Variants in ALCAM observed in about 807,000 individuals in gnomAD.
ALCAM encodes the protein activated leukocyte cell adhesion molecule, also known as CD166 antigen.
A neutral mutation model predicts 70.9 loss-of-function variants in ALCAM; 30 were observed. The observed-to-expected ratio is 0.42, with a 90% confidence interval of 0.32 to 0.57. ALCAM has a LOEUF of 0.57. ALCAM is among the 20% of genes least tolerant of loss of function. ALCAM has a pLI of 0.11. For missense variants in ALCAM, 591 were observed against 695.1 expected, an observed-to-expected ratio of 0.85 and a Z score of 1.68; for synonymous variants, 249 against 242.5, an observed-to-expected ratio of 1.03 and a Z score of -0.25.
chr3:105,524,712 G>A (rs986229984), intron 3 of ALCAM: 15 of 1,319,280 alleles, frequency 1.1e-5, no homozygotes, highest in East Asian at 2.7e-5. Flanking sequence ...GATTTGCAGT[G>A]AGGAACTAAA....
chr3:105,425,473 A>G (rs1576155072), intron 1 of ALCAM, among the ~76,000 whole-genome samples: 1 of 151,804 alleles, frequency 6.6e-6, no homozygotes, highest in South Asian at 2.1e-4. Context: ...TCCCGGAGAA[A>G]CGATTTTCAT....
intron 5 of ALCAM, among the ~76,000 whole-genome samples, chr3:105,533,957 G>A (rs1167617559): frequency 6.6e-6 from 1 of 152,120 alleles, no homozygotes; most frequent in Non-Finnish European, 1.5e-5. Flanking sequence ...TGTAGAATCA[G>A]TGAGAGCCCA....
At chr3:105,385,668 T>C (rs1935634364) in intron 1 of ALCAM, among the ~76,000 whole-genome samples, 1 of 151,646 alleles carries the variant, frequency 6.6e-6, no homozygotes, top group South Asian at 2.1e-4. Flanking sequence ...GATGCAAATA[T>C]GTCTTGAAAT....
intron 1 of ALCAM, among the ~76,000 whole-genome samples, chr3:105,496,160 T>C (rs978469203): frequency 3.9e-5 from 6 of 152,120 alleles, no homozygotes; most frequent in Non-Finnish European, 8.8e-5. Flanking sequence ...CCCCAATACA[T>C]TGTAGTTTCC....
At chr3:105,450,897 A>G (rs1389124182) in intron 1 of ALCAM, among the ~76,000 whole-genome samples, 1 of 152,198 alleles carries the variant, frequency 6.6e-6, no homozygotes. Flanking sequence ...GAAAAAAAAT[A>G]CTATTTAAAC....
intron 1 of ALCAM, among the ~76,000 whole-genome samples, chr3:105,491,275 T>A (rs2152611216): frequency 6.6e-6 from 1 of 152,234 alleles, no homozygotes; most frequent in South Asian, 2.1e-4. Flanking sequence ...CATGAAACCA[T>A]TTTTTCCTCC....
intron 1 of ALCAM, among the ~76,000 whole-genome samples, chr3:105,447,039 G>A (rs1288862203): frequency 6.6e-6 from 1 of 152,120 alleles, no homozygotes; most frequent in Admixed American, 6.5e-5. Flanking sequence ...TGATAAATGT[G>A]CGAAGTTATG....
At chr3:105,500,751 A>T (rs1938897830) in intron 1 of ALCAM, among the ~76,000 whole-genome samples, 1 of 152,218 alleles carries the variant, frequency 6.6e-6, no homozygotes, top group East Asian at 1.9e-4. Context: ...TAGTTACAGG[A>T]TGAGTGACTG....
chr3:105,371,788 T>G (rs948870280), intron 1 of ALCAM, among the ~76,000 whole-genome samples: 4 of 152,168 alleles, frequency 2.6e-5, no homozygotes, highest in Non-Finnish European at 5.9e-5. Flanking sequence ...ATGCAATTTA[T>G]AGCCCAGATA....
chr3:105,519,976 C>A (rs920369247), intron 1 of ALCAM, 91 bp from the exon 2 acceptor site: 2 of 734,794 alleles, frequency 2.7e-6, no homozygotes, highest in Non-Finnish European at 4.6e-6. Context: ...CATCGACATG[C>A]ATCTTGAAGT....
At chr3:105,498,010 G>A (rs536111042) in intron 1 of ALCAM, among the ~76,000 whole-genome samples, 11 of 148,662 alleles carry the variant, frequency 7.4e-5, no homozygotes, top group East Asian at 5.9e-4. Flanking sequence ...AAGCCTGGGC[G>A]ACAGAGCGAG....
At chr3:105,402,920 A>G (rs1310266867) in intron 1 of ALCAM, among the ~76,000 whole-genome samples, 5 of 147,752 alleles carry the variant, frequency 3.4e-5, no homozygotes, top group African/African-American at 1.0e-4. Context: ...TCTTCTCTAT[A>G]GGATTGCAGC....
At chr3:105,395,967 G>A (rs1410571631) in intron 1 of ALCAM, among the ~76,000 whole-genome samples, 1 of 151,904 alleles carries the variant, frequency 6.6e-6, no homozygotes, top group Non-Finnish European at 1.5e-5. Flanking sequence ...TTTCTGATTG[G>A]CTTAGCTTGG....
At chr3:105,529,553 T>C (rs1939788287) in intron 3 of ALCAM, among the ~76,000 whole-genome samples, 1 of 151,926 alleles carries the variant, frequency 6.6e-6, no homozygotes, top group African/African-American at 2.4e-5. Flanking sequence ...AAGGAGAAAA[T>C]AACTCAGGAA....
At chr3:105,566,824 A>G (rs1383712541) in intron 14 of ALCAM, among the ~76,000 whole-genome samples, 6 of 152,130 alleles carry the variant, frequency 3.9e-5, no homozygotes, top group African/African-American at 1.4e-4. Context: ...GTTGTCTTTT[A>G]AAATATTTTA....
intron 1 of ALCAM, among the ~76,000 whole-genome samples, chr3:105,435,397 C>A (rs932083696): frequency 6.6e-6 from 1 of 152,180 alleles, no homozygotes; most frequent in Admixed American, 6.5e-5. Flanking sequence ...AGGACACAAA[C>A]CCTGCTGGAC....
intron 3 of ALCAM, among the ~76,000 whole-genome samples, chr3:105,529,359 T>C (rs1175093906): frequency 6.6e-6 from 1 of 152,226 alleles, no homozygotes; most frequent in Non-Finnish European, 1.5e-5. Flanking sequence ...CTTTGAATCA[T>C]GTTAAGATAT....
chr3:105,508,512 T>A (rs114746346), intron 1 of ALCAM, among the ~76,000 whole-genome samples: 1 of 152,180 alleles, frequency 6.6e-6, no homozygotes, highest in Non-Finnish European at 1.5e-5. Flanking sequence ...AAATGTACAA[T>A]GTATATAAAA....
At chr3:105,437,490 A>T (rs1449182314) in intron 1 of ALCAM, among the ~76,000 whole-genome samples, 1 of 152,112 alleles carries the variant, frequency 6.6e-6, no homozygotes, top group East Asian at 1.9e-4. Flanking sequence ...AGGACATTTC[A>T]TCCACAATAA....
Sources: allele counts gnomAD v4.1 joint callset (sites outside exome capture counted in the v4.1 genomes callset), GRCh38; gene constraint gnomAD v4.1.1; transcripts MANE v1.5; gene names NCBI Gene and HGNC (gene_info 2026-07-23, HGNC 2026-07-21).